The following ODAD2 variants were observed in gnomAD, a reference collection of about 807,000 sequenced individuals.
The protein encoded by ODAD2 is outer dynein arm-docking complex subunit 2.
Under a neutral mutation model 106.8 loss-of-function variants are expected in ODAD2, and 89 were observed. That is an observed-to-expected ratio of 0.83 (90% CI 0.70 to 0.99). ODAD2 has a LOEUF of 0.99. Among genes scored for constraint, ODAD2 ranks in the 50% least tolerant of loss-of-function variants. ODAD2 has a pLI of 0.00. For missense variants in ODAD2, 1,168 were observed against 1,238.5 expected (o/e 0.94, Z 0.85); for synonymous variants, 404 against 436.2 (o/e 0.93, Z 0.92).
intron 16 of ODAD2, among the ~76,000 whole-genome samples, chr10:27,908,426 C>A (rs1194609893): frequency 2.6e-5 from 4 of 152,158 alleles, no homozygotes; most frequent in Non-Finnish European, 4.4e-5. Flanking sequence ...CATCTCTCCA[C>A]CATCTGTCTT....
intron 17 of ODAD2, among the ~76,000 whole-genome samples, chr10:27,890,771 T>TA (rs10569745): frequency 2.9e-4 from 43 of 148,608 alleles, no homozygotes; most frequent in East Asian, 2.2e-3. Context: ...TATATATATT[T>TA]AAAAAAAAAA....
chr10:27,855,393 T>C (rs1839585383), intron 19 of ODAD2, among the ~76,000 whole-genome samples: 1 of 152,156 alleles, frequency 6.6e-6, no homozygotes, highest in Admixed American at 6.5e-5. Context: ...ATGTAGTATA[T>C]ATTCATCGAT....
At chr10:27,935,902 C>T (rs1845942918) in intron 15 of ODAD2, among the ~76,000 whole-genome samples, 1 of 151,050 alleles carries the variant, frequency 6.6e-6, no homozygotes, top group African/African-American at 2.5e-5. Context: ...AGGAAGCATG[C>T]TACATAAAGG....
intron 17 of ODAD2, among the ~76,000 whole-genome samples, chr10:27,901,897 C>A (rs542379071): frequency 6.6e-6 from 1 of 151,928 alleles, no homozygotes; most frequent in Admixed American, 6.6e-5. Flanking sequence ...ATTAGATCAA[C>A]GAGACAGAAA....
In ODAD2 at chr10:27,924,022, G is replaced by GA. The variant is rs879886979; in HGVS notation, c.2495+10987dup. Among the ~76,000 whole-genome samples the GA allele has an allele frequency of 1.9e-3, 254 of 132,972 alleles. 9 individuals carry two copies. The highest frequency in any genetic ancestry group is 2.7e-3 in the Non-Finnish European group (170 of 62,498). The allele number at this position is 132,972 out of a possible 152,430, so 87.2% of individuals were successfully genotyped here. A position where few individuals can be genotyped will look rare whatever the true frequency, so the allele number is the denominator to read the frequency against. On this transcript the variant is annotated intron_variant, in intron 16 of 19. Transcript: ENST00000305242. ...AGAAAGAAAGAAAGAAAGAAAGAAAGAAGGAAAGAGAAAGAAAGAAGGAAA... is the reference window on the plus strand; with the variant it reads ...AGAAAGAAAGAAAGAAAGAAAGAAAGAAAGGAAAGAGAAAGAAAGAAGGAAA...
chr10:27,984,452 G>A (rs1463539277), intron 4 of ODAD2, among the ~76,000 whole-genome samples, 162 bp from the exon 5 acceptor site: 1 of 152,116 alleles, frequency 6.6e-6, no homozygotes, highest in Non-Finnish European at 1.5e-5. Context: ...AACACATCAA[G>A]TAATTAGTGA....
intron 19 of ODAD2, among the ~76,000 whole-genome samples, chr10:27,830,887 C>G (rs1837424362): frequency 6.6e-6 from 1 of 152,214 alleles, no homozygotes; most frequent in African/African-American, 2.4e-5. Context: ...ACATCTTATA[C>G]TTCTGGCAAG....
At chr10:27,948,593 C>T (rs192437502) in intron 10 of ODAD2, among the ~76,000 whole-genome samples, 9 of 152,182 alleles carry the variant, frequency 5.9e-5, no homozygotes, top group African/African-American at 1.9e-4. Context: ...TTTTATCACG[C>T]ATTTGCATTT....
chr10:27,984,845 C>T (rs1208923753), intron 4 of ODAD2, among the ~76,000 whole-genome samples, 174 bp downstream of exon 4: 1 of 151,786 alleles, frequency 6.6e-6, no homozygotes, highest in Admixed American at 6.6e-5. Context: ...CTGAAAGCAA[C>T]TTTGTAACTA....
At chr10:27,997,125 T>C (rs1850603395) in intron 1 of ODAD2, among the ~76,000 whole-genome samples, 1 of 152,210 alleles carries the variant, frequency 6.6e-6, no homozygotes, top group African/African-American at 2.4e-5. Flanking sequence ...GGTCATGAAA[T>C]AAAGTGCAGA....
rs1471946725 is a variant in ODAD2, at chr10:27,812,210, A to G, written c.*302T>C. The G allele has an allele frequency of 3.2e-6, 1 of 310,848 alleles. No homozygotes were observed. The highest frequency in any genetic ancestry group is 5.8e-6 in the Non-Finnish European group (1 of 172,360). 19.3% of individuals were successfully genotyped at this position (310,848 alleles called of 1,614,324 possible). A position where few individuals can be genotyped will look rare whatever the true frequency, so the allele number is the denominator to read the frequency against. On this transcript the variant is annotated 3_prime_UTR_variant, in exon 20 of 20. Transcript: ENST00000305242. ...TTTTTATTAAAATCGCCACAAATAC[A>G]AAAGCATCACTGAACTAAAAATACA...
intron 17 of ODAD2, among the ~76,000 whole-genome samples, chr10:27,868,264 G>A (rs903887605): frequency 2.0e-5 from 3 of 152,182 alleles, no homozygotes; most frequent in Non-Finnish European, 2.9e-5. Context: ...GTGGAAGACA[G>A]TGTGGTGATT....
chr10:27,904,735 T>A (rs1375832792), intron 17 of ODAD2, among the ~76,000 whole-genome samples: 3 of 152,210 alleles, frequency 2.0e-5, no homozygotes, highest in Non-Finnish European at 1.5e-5. Flanking sequence ...TCCGACATGT[T>A]TATTTTCCAT....
chr10:27,920,291 T>TA (rs1383714800), intron 16 of ODAD2, among the ~76,000 whole-genome samples: 1 of 152,152 alleles, frequency 6.6e-6, no homozygotes, highest in African/African-American at 2.4e-5. Context: ...GTTTACAAAT[T>TA]AAAAAAATTT....
intron 19 of ODAD2, among the ~76,000 whole-genome samples, chr10:27,824,973 C>T (rs551582835): frequency 6.6e-6 from 1 of 152,286 alleles, no homozygotes; most frequent in East Asian, 1.9e-4. Flanking sequence ...TTGACATCTC[C>T]ACTTGGATAT....
intron 17 of ODAD2, among the ~76,000 whole-genome samples, chr10:27,894,745 T>A (rs1410096293): frequency 3.2e-5 from 4 of 126,010 alleles, no homozygotes; most frequent in Non-Finnish European, 3.5e-5. Flanking sequence ...AAAAAAAAAA[T>A]TGTTGTAGAG....
intron 16 of ODAD2, among the ~76,000 whole-genome samples, chr10:27,925,559 C>T (rs7071570): frequency 0.14 from 20,815 of 152,040 alleles, 1,986 homozygotes; most frequent in African/African-American, 0.27. Flanking sequence ...GGCCTCATTA[C>T]GTTTTCCAGG....
intron 16 of ODAD2, among the ~76,000 whole-genome samples, chr10:27,924,354 T>C (rs994015728): frequency 9.2e-5 from 14 of 151,698 alleles, no homozygotes; most frequent in African/African-American, 3.4e-4. Context: ...GAAAGTACTA[T>C]ACATCAAAAT....
At chr10:27,844,382 T>G (rs1838550995) in intron 19 of ODAD2, among the ~76,000 whole-genome samples, 1 of 152,344 alleles carries the variant, frequency 6.6e-6, no homozygotes, top group African/African-American at 2.4e-5. Flanking sequence ...GCAAACTCTC[T>G]GCCAAGTCCC....
Sources: allele counts gnomAD v4.1 joint callset (sites outside exome capture counted in the v4.1 genomes callset), GRCh38; gene constraint gnomAD v4.1.1; transcripts MANE v1.5; gene names NCBI Gene and HGNC (gene_info 2026-07-23, HGNC 2026-07-21).